OTULINL: variants seen among roughly 807,000 people sequenced by gnomAD.
OTULINL encodes the protein OTU deubiquitinase with linear linkage specificity like, also known as inactive ubiquitin thioesterase OTULINL.
A neutral mutation model predicts 43.9 loss-of-function variants in OTULINL; 42 were observed. The observed-to-expected ratio is 0.96, with a 90% CI of 0.75 to 1.24. The LOEUF (loss-of-function observed/expected upper bound fraction) is 1.24. Ranked by LOEUF, OTULINL falls within the 50% of genes most tolerant of loss-of-function variation. The pLI, the probability that OTULINL is intolerant of heterozygous loss-of-function variation, is 0.00. For missense variants in OTULINL, 411 were observed against 426.4 expected (o/e 0.96, Z 0.32); for synonymous variants, 172 against 153.6 (o/e 1.12, Z -0.88).
At chr5:14,589,347 A>G (rs546069298) in intron 1 of OTULINL, among the ~76,000 whole-genome samples, 1 of 152,160 alleles carries the variant, frequency 6.6e-6, no homozygotes, top group Non-Finnish European at 1.5e-5. Flanking sequence ...GTTAGAAGGA[A>G]GAATGTTTCA....
chr5:14,610,241 A>T lies in OTULINL; in HGVS notation c.998A>T (p.Glu333Val). 4.3e-6 allele frequency: 7 copies of T among 1,613,892 alleles called. No homozygotes were observed. Among genetic ancestry groups the T allele is most frequent in the Non-Finnish European group, 5.9e-6 (7 of 1,179,884 alleles). The change falls in exon 8 of 8, where the codon GAG (glutamate) becomes GTG (valine). Residue 333 changes from glutamate (E) to valine (V), a missense_variant. Glu to Val is a moderately radical substitution (Grantham distance 121). Coordinates refer to ENST00000274217, the MANE Select transcript of OTULINL (RefSeq NM_019018.3). ...SRDFEVCYPE[E>V]PLRDWPEISL... Reference sequence around the variant, plus strand: ...GACTTTGAAGTCTGCTACCCAGAGGAGCCTCTCAGGGACTGGCCGGAGATC... The same window carrying T: ...GACTTTGAAGTCTGCTACCCAGAGGTGCCTCTCAGGGACTGGCCGGAGATC...
intron 5 of OTULINL, among the ~76,000 whole-genome samples, chr5:14,602,935 T>C (rs748532160): frequency 3.8e-4 from 58 of 152,232 alleles, no homozygotes; most frequent in Non-Finnish European, 6.0e-4. Context: ...TTTTAATAAA[T>C]GCATAGTTTG....
chr5:14,614,399 C>T lies in OTULINL; in HGVS notation c.*4085C>T. On this transcript the variant is annotated 3_prime_UTR_variant, in exon 8 of 8. Transcript: ENST00000274217. ...ATTTTCCTTCAAATCCTGTTTTTAT[C>T]ACAATGTCCATTTTACAGCTAGACA... 2.5e-6 allele frequency: 1 copy of T among 392,324 alleles called. No homozygotes were observed. The highest frequency in any genetic ancestry group is 4.5e-6 in the Non-Finnish European group (1 of 222,828). The allele number at this position is 392,324 out of a possible 1,614,324, so 24.3% of individuals were successfully genotyped here. A position where few individuals can be genotyped will look rare whatever the true frequency, so the allele number is the denominator to read the frequency against.
In OTULINL at chr5:14,615,200, C is replaced by T. The variant is rs999731028; in HGVS notation, c.*4886C>T. On this transcript the variant is annotated 3_prime_UTR_variant, in exon 8 of 8. Coordinates refer to ENST00000274217, the MANE Select transcript of OTULINL (RefSeq NM_019018.3). Reference sequence around the variant, plus strand: ...GTGACTTTACCCCATTGTGCCTTATCATTTGTCAGCAAACTTACTGGGCCA... The same window carrying T: ...GTGACTTTACCCCATTGTGCCTTATTATTTGTCAGCAAACTTACTGGGCCA... Among the ~76,000 whole-genome samples the T allele has an allele frequency of 2.0e-5, 3 of 152,226 alleles. No individual in the cohort carries two copies. Among genetic ancestry groups the T allele is most frequent in the African/African-American group, 7.2e-5 (3 of 41,454 alleles).
chr5:14,588,586 G>C (rs1421334334), intron 1 of OTULINL, among the ~76,000 whole-genome samples: 1 of 152,204 alleles, frequency 6.6e-6, no homozygotes, highest in African/African-American at 2.4e-5. Flanking sequence ...TGGAGTAACA[G>C]AACAGCCCCA....
At chr5:14,582,170 G>C (rs1011007569) in intron 1 of OTULINL, among the ~76,000 whole-genome samples, 6 of 152,228 alleles carry the variant, frequency 3.9e-5, no homozygotes, top group Non-Finnish European at 8.8e-5. Context: ...TCGAGCCGCT[G>C]TCGGGGACGG....
intron 1 of OTULINL, among the ~76,000 whole-genome samples, chr5:14,593,722 G>A (rs191785730): frequency 1.3e-3 from 191 of 152,344 alleles, no homozygotes; most frequent in African/African-American, 4.4e-3. Flanking sequence ...GTCAAGAGAT[G>A]TGCCCGACTC....
At chr5:14,592,487 G>A (rs16903566) in intron 1 of OTULINL, among the ~76,000 whole-genome samples, 5,824 of 152,176 alleles carry the variant, frequency 0.038, 355 homozygotes, top group African/African-American at 0.13. Context: ...ACCTCAAAAA[G>A]TGAAGCATTC....
rs770061268 is a variant in OTULINL, at chr5:14,602,218, A to G, written c.384A>G (p.Lys128=). The G allele has an allele frequency of 9.3e-6, 15 of 1,612,628 alleles. No individual in the cohort carries two copies. Among genetic ancestry groups the G allele is most frequent in the Non-Finnish European group, 1.3e-5 (15 of 1,179,514 alleles). The change falls in exon 5 of 8, where the codon AAA becomes AAG. Residue 128 remains lysine (K), a synonymous_variant. Coordinates refer to ENST00000274217, the MANE Select transcript of OTULINL (RefSeq NM_019018.3). ...YEELFWRHHI[K]CVRQVRRDNY... Reference sequence around the variant, plus strand: ...AGCTATTTTGGCGGCATCACATTAAATGTGTTCGACAAGTAAGGAGAGATA... The same window carrying G: ...AGCTATTTTGGCGGCATCACATTAAGTGTGTTCGACAAGTAAGGAGAGATA...
rs532847082 is a variant in OTULINL at position 14,610,320 on chromosome 5, C to T, written c.*6C>T. On this transcript the variant is annotated 3_prime_UTR_variant, in exon 8 of 8. Coordinates refer to ENST00000274217, the MANE Select transcript of OTULINL (RefSeq NM_019018.3). The stretch of plus-strand genomic sequence containing the variant: ...ACCACATTCCAGTCTTTTAAGTCCG[C>T]TGGGGGCCGAACAGCAGTGCTCACC... The T allele has an allele frequency of 1.1e-4, 172 of 1,612,128 alleles. 1 individual carries two copies. The South Asian group carries it at 1.8e-3, about 17-fold the overall frequency.
At chr5:14,589,332 G>C (rs1759158771) in intron 1 of OTULINL, among the ~76,000 whole-genome samples, 1 of 152,194 alleles carries the variant, frequency 6.6e-6, no homozygotes, top group South Asian at 2.1e-4. Flanking sequence ...ATGAACTAGG[G>C]CATGGTTAGA....
At chr5:14,586,572 C>T (rs1337919899) in intron 1 of OTULINL, among the ~76,000 whole-genome samples, 1 of 152,156 alleles carries the variant, frequency 6.6e-6, no homozygotes, top group Admixed American at 6.5e-5. Flanking sequence ...GTTGATTTAA[C>T]CATGTTACTA....
chr5:14,583,844 G>A (rs760543091), intron 1 of OTULINL, among the ~76,000 whole-genome samples: 31 of 152,112 alleles, frequency 2.0e-4, no homozygotes, highest in Non-Finnish European at 3.8e-4. Context: ...ATAACAGCAA[G>A]TAACACTTGA....
rs577686590 is a variant in OTULINL, at chr5:14,599,944, C to CT, written c.65-1020dup. Among the ~76,000 whole-genome samples, 255 of 152,348 alleles carry CT rather than the reference C, an allele frequency of 1.7e-3. 1 individual carries two copies. Among genetic ancestry groups the CT allele is most frequent in the Non-Finnish European group, 3.2e-3 (216 of 68,032 alleles). On this transcript the variant is annotated intron_variant, in intron 1 of 7. Coordinates refer to ENST00000274217, the MANE Select transcript of OTULINL (RefSeq NM_019018.3). ...GAAATGATATCTATGTGCCTGCTGT[C>CT]TGAGTTACTTGCTCTGTGCTGCTAA...
intron 5 of OTULINL, among the ~76,000 whole-genome samples, chr5:14,605,956 C>G (rs1759467998): frequency 1.3e-5 from 2 of 152,176 alleles, no homozygotes; most frequent in South Asian, 4.1e-4. Flanking sequence ...CCAACCTCTG[C>G]TTGTTACCCA....
At chr5:14,598,280 A>G (rs1460882816) in intron 1 of OTULINL, among the ~76,000 whole-genome samples, 2 of 152,214 alleles carry the variant, frequency 1.3e-5, no homozygotes, top group Non-Finnish European at 2.9e-5. Context: ...AAATAGGCAG[A>G]TGCTTTCAAA....
rs982274719 is a variant in OTULINL at position 14,595,636 on chromosome 5, G to A, written c.65-5329G>A. On this transcript the variant is annotated intron_variant, in intron 1 of 7. Coordinates refer to ENST00000274217, the MANE Select transcript of OTULINL (RefSeq NM_019018.3). Reference sequence around the variant, plus strand: ...TAAGTAGAATTTTACCACCAAAAACGGTGCTTTTTTTTTTTTTTTTTTTTT... The same window carrying A: ...TAAGTAGAATTTTACCACCAAAAACAGTGCTTTTTTTTTTTTTTTTTTTTT... 4.5e-5 allele frequency among the ~76,000 whole-genome samples: 6 copies of A among 132,590 alleles called. No individual in the cohort carries two copies. The East Asian group carries it at 1.3e-3, about 29-fold the overall frequency. 87.0% of individuals were successfully genotyped at this position (132,590 alleles called of 152,430 possible). A position where few individuals can be genotyped will look rare whatever the true frequency, so the allele number is the denominator to read the frequency against.
chr5:14,609,055 G>T, intron 7 of OTULINL, 38 bp downstream of exon 7: 2 of 1,583,994 alleles, frequency 1.3e-6, no homozygotes, highest in African/African-American at 2.7e-5. Context: ...TTTGATTAAG[G>T]ATGCTGTGGC....
At position 14,602,202 on chromosome 5, in the gene OTULINL, G is replaced by A; in HGVS notation, c.368G>A (p.Trp123Ter). The A allele has an allele frequency of 6.2e-7, 1 of 1,606,578 alleles. No homozygotes were observed. Among genetic ancestry groups the A allele is most frequent in the South Asian group, 1.1e-5 (1 of 89,016 alleles). Reference sequence around the variant, plus strand: ...TATTAGGCTTATGAGGAGCTATTTTGGCGGCATCACATTAAATGTGTTCGA... The same window carrying A: ...TATTAGGCTTATGAGGAGCTATTTTAGCGGCATCACATTAAATGTGTTCGA... ...LMRKAYEELF[W>*]RHHIKCVRQV... The change falls in exon 5 of 8, where the codon TGG becomes TAG. Residue 123 changes from tryptophan to a stop codon, truncating the protein, a stop_gained. Coordinates refer to ENST00000274217, the MANE Select transcript of OTULINL (RefSeq NM_019018.3). LOFTEE classifies it high-confidence loss of function.
Sources: allele counts gnomAD v4.1 joint callset (sites outside exome capture counted in the v4.1 genomes callset), GRCh38; gene constraint gnomAD v4.1.1; transcripts MANE v1.5; gene names NCBI Gene and HGNC (gene_info 2026-07-23, HGNC 2026-07-21).